Variants in DNAL1 observed in about 807,000 individuals in gnomAD.
The protein encoded by DNAL1 is dynein axonemal light chain 1.
DNAL1 carries 17 observed loss-of-function variants against 29.4 expected under a neutral mutation model. That is an observed-to-expected ratio of 0.58 (90% confidence interval 0.40 to 0.87). The LOEUF (loss-of-function observed/expected upper bound fraction) is 0.87, where lower values mean the gene tolerates loss of function less well. Among genes scored for constraint, DNAL1 ranks in the 40% least tolerant of loss-of-function variants. The pLI is 0.00. For synonymous variants in DNAL1, 78 were observed against 76.3 expected (o/e 1.02, Z -0.12); for missense variants, 188 against 214.1 (o/e 0.88, Z 0.76).
At chr14:73,656,881 A>T (rs1179718013) in intron 2 of DNAL1, among the ~76,000 whole-genome samples, 1 of 152,106 alleles carries the variant, frequency 6.6e-6, no homozygotes, top group East Asian at 1.9e-4. Context: ...TATGTATTAG[A>T]TCTTTTTACA....
At chr14:73,673,603 A>G (rs1847840112) in intron 5 of DNAL1, among the ~76,000 whole-genome samples, 1 of 152,200 alleles carries the variant, frequency 6.6e-6, no homozygotes, top group African/African-American at 2.4e-5. Context: ...AGAATAAAGA[A>G]AAACAAAGCT....
chr14:73,645,559 G>C (rs1890959464), intron 1 of DNAL1, among the ~76,000 whole-genome samples: 1 of 152,156 alleles, frequency 6.6e-6, no homozygotes, highest in Admixed American at 6.6e-5. Context: ...GGATATATTA[G>C]AGCAGTGATT....
In DNAL1 at chr14:73,696,212, C is replaced by CA. The variant is rs1892298296; in HGVS notation, c.*271dup. 3.8e-6 allele frequency: 1 copy of CA among 262,620 alleles called. No homozygotes were observed. Among genetic ancestry groups the CA allele is most frequent in the African/African-American group, 2.2e-5 (1 of 45,072 alleles). 16.3% of individuals were successfully genotyped at this position (262,620 alleles called of 1,614,324 possible). On this transcript the variant is annotated 3_prime_UTR_variant, in exon 8 of 8. Coordinates refer to ENST00000553645, the MANE Select transcript of DNAL1 (RefSeq NM_031427.4). ...GTCTCAGTTACGTACTGTGTAGCCC[C>CA]ATCTACTAAAACAAAACCTTTGTAG...
intron 1 of DNAL1, among the ~76,000 whole-genome samples, chr14:73,650,045 A>G (rs948770328): frequency 2.6e-5 from 4 of 152,190 alleles, no homozygotes; most frequent in African/African-American, 9.7e-5. Flanking sequence ...GTATAGTAGC[A>G]TAATCATGGC....
intron 7 of DNAL1, among the ~76,000 whole-genome samples, chr14:73,694,497 C>T (rs186439591): frequency 1.0e-3 from 158 of 151,576 alleles, no homozygotes; most frequent in Non-Finnish European, 1.4e-3. Context: ...GATGGGTGGC[C>T]GTTGGCCCAG....
At chr14:73,661,942 C>T in intron 3 of DNAL1, 45 bp from the exon 4 acceptor site, 1 of 1,310,250 alleles carries the variant, frequency 7.6e-7, no homozygotes, top group South Asian at 1.4e-5. Flanking sequence ...TTCTGATTTA[C>T]CATTTACATT....
chr14:73,692,466 C>T (rs1395730519), intron 7 of DNAL1, among the ~76,000 whole-genome samples: 2 of 151,786 alleles, frequency 1.3e-5, no homozygotes, highest in Admixed American at 1.3e-4. Context: ...TCGAGACCAG[C>T]CTGACCAACA....
chr14:73,659,794 T>C (rs925381642), intron 3 of DNAL1: 8 of 152,070 alleles, frequency 5.3e-5, no homozygotes, highest in Non-Finnish European at 8.8e-5. Flanking sequence ...AAAAAACACA[T>C]TATAAAACAT....
chr14:73,687,814 A>C (rs998250373), intron 6 of DNAL1, among the ~76,000 whole-genome samples: 11 of 152,318 alleles, frequency 7.2e-5, no homozygotes, highest in African/African-American at 2.2e-4. Context: ...CGGAGCTTGC[A>C]GTGAGCCGAG....
At chr14:73,691,786 C>T (rs960025374) in intron 7 of DNAL1, among the ~76,000 whole-genome samples, 9 of 150,954 alleles carry the variant, frequency 6.0e-5, no homozygotes, top group Non-Finnish European at 1.3e-4. Context: ...CTCCGCCTCC[C>T]GGGTTCAAGC....
intron 2 of DNAL1, among the ~76,000 whole-genome samples, chr14:73,657,350 T>G (rs1485306253): frequency 6.6e-6 from 1 of 152,092 alleles, no homozygotes; most frequent in Non-Finnish European, 1.5e-5. Context: ...CTAGCTGATT[T>G]TTAAATTATT....
At chr14:73,668,024 C>T (rs1829927636) in intron 4 of DNAL1, among the ~76,000 whole-genome samples, 1 of 152,210 alleles carries the variant, frequency 6.6e-6, no homozygotes, top group Non-Finnish European at 1.5e-5. Flanking sequence ...GGTCCTGCCT[C>T]AAAGCCTTTG....
rs1892409630 is a variant in DNAL1 at position 73,700,517 on chromosome 14, G to GTT, written c.*4576_*4577dup. ...TGAGAATTGGTGATGTGTAAAGAGA[G>GTT]TTGGAATCTTCTACCTGGGTTTTTC... On this transcript the variant is annotated 3_prime_UTR_variant, in exon 8 of 8. Coordinates refer to ENST00000553645, the MANE Select transcript of DNAL1 (RefSeq NM_031427.4). 1 of 152,222 alleles carries GTT rather than the reference G, an allele frequency of 6.6e-6. No individual in the cohort carries two copies. The highest frequency in any genetic ancestry group is 1.5e-5 in the Non-Finnish European group (1 of 68,030). 9.4% of individuals were successfully genotyped at this position (152,222 alleles called of 1,614,324 possible). A position where few individuals can be genotyped will look rare whatever the true frequency, so the allele number is the denominator to read the frequency against.
intron 5 of DNAL1, among the ~76,000 whole-genome samples, chr14:73,686,694 T>A (rs1361584002): frequency 6.6e-6 from 1 of 152,144 alleles, no homozygotes; most frequent in Non-Finnish European, 1.5e-5. Flanking sequence ...GGTGACAGAG[T>A]GAGACCCTGT....
chr14:73,681,135 TTGC>T, intron 5 of DNAL1, among the ~76,000 whole-genome samples: 1 of 151,496 alleles, frequency 6.6e-6, no homozygotes, highest in African/African-American at 2.4e-5. Context: ...TGTTGTTTTT[TTGC>T]TTTTTTTTTT....
At chr14:73,680,809 T>C (rs1891857669) in intron 5 of DNAL1, among the ~76,000 whole-genome samples, 2 of 152,212 alleles carry the variant, frequency 1.3e-5, no homozygotes, top group Admixed American at 1.3e-4. Flanking sequence ...ACTACATACA[T>C]AGGCTATATG....
intron 5 of DNAL1, among the ~76,000 whole-genome samples, chr14:73,684,158 T>C (rs1246404928): frequency 2.6e-5 from 4 of 152,202 alleles, no homozygotes; most frequent in Admixed American, 6.5e-5. Flanking sequence ...AGTATTCCAT[T>C]GTGTGATATA....
In DNAL1 at chr14:73,696,782, C is replaced by T. The variant is rs572608986; in HGVS notation, c.*840C>T. The T allele has an allele frequency of 5.1e-4, 78 of 152,308 alleles. No homozygotes were observed. Among genetic ancestry groups the T allele is most frequent in the African/African-American group, 1.8e-3 (75 of 41,560 alleles). 9.4% of individuals were successfully genotyped at this position (152,308 alleles called of 1,614,324 possible). A position where few individuals can be genotyped will look rare whatever the true frequency, so the allele number is the denominator to read the frequency against. ...TATATTTGAATTCCTAGACTAAATGCTGGCCATTGATGTATGTCAAAATTT... is the reference window on the plus strand; with the variant it reads ...TATATTTGAATTCCTAGACTAAATGTTGGCCATTGATGTATGTCAAAATTT... On this transcript the variant is annotated 3_prime_UTR_variant, in exon 8 of 8. Coordinates refer to ENST00000553645, the MANE Select transcript of DNAL1 (RefSeq NM_031427.4).
intron 1 of DNAL1, among the ~76,000 whole-genome samples, chr14:73,653,441 T>C (rs1891150719): frequency 6.6e-6 from 1 of 152,098 alleles, no homozygotes; most frequent in Non-Finnish European, 1.5e-5. Flanking sequence ...AACCTCGAAC[T>C]CTTGGGTCCA....
Sources: allele counts gnomAD v4.1 joint callset (sites outside exome capture counted in the v4.1 genomes callset), GRCh38; gene constraint gnomAD v4.1.1; transcripts MANE v1.5; gene names NCBI Gene and HGNC (gene_info 2026-07-23, HGNC 2026-07-21).